Variants in LRFN2 observed in about 807,000 individuals in gnomAD.
LRFN2 encodes the protein leucine-rich repeat and fibronectin type-III domain-containing protein 2.
In LRFN2, 18 loss-of-function variants were observed where a neutral mutation model predicts 37.3. That is an observed-to-expected ratio of 0.48 (90% CI 0.33 to 0.72). LRFN2 has a LOEUF of 0.72. Ranked by LOEUF, LRFN2 falls within the 30% of genes least tolerant of loss-of-function variation. LRFN2 has a pLI of 0.02. For synonymous variants in LRFN2, 556 were observed against 466.6 expected (o/e 1.19, Z -2.47); for missense variants, 1,006 against 1,060.7 (o/e 0.95, Z 0.72).
At chr6:40,475,037 G>A (rs542283252) in intron 1 of LRFN2, among the ~76,000 whole-genome samples, 7 of 152,246 alleles carry the variant, frequency 4.6e-5, no homozygotes, top group Admixed American at 6.5e-5. Flanking sequence ...TATGGTTGTC[G>A]GAGACTAGGG....
intron 1 of LRFN2, among the ~76,000 whole-genome samples, chr6:40,554,212 G>C (rs1009817111): frequency 6.6e-6 from 1 of 152,200 alleles, no homozygotes; most frequent in Non-Finnish European, 1.5e-5. Context: ...TCAAGAACAG[G>C]CTACCTGGAA....
intron 1 of LRFN2, among the ~76,000 whole-genome samples, chr6:40,477,987 T>C (rs1764744615): frequency 6.6e-6 from 1 of 152,228 alleles, no homozygotes; most frequent in Non-Finnish European, 1.5e-5. Flanking sequence ...TGTTTGTGGC[T>C]TCTCCTCCGT....
At chr6:40,476,839 A>G (rs992891113) in intron 1 of LRFN2, among the ~76,000 whole-genome samples, 6 of 152,204 alleles carry the variant, frequency 3.9e-5, no homozygotes, top group Non-Finnish European at 5.9e-5. Context: ...CCCAATGGAC[A>G]TCTTCTGCCC....
At chr6:40,420,486 C>G (rs538916238) in intron 2 of LRFN2, among the ~76,000 whole-genome samples, 29 of 152,356 alleles carry the variant, frequency 1.9e-4, no homozygotes, top group Admixed American at 5.2e-4. Context: ...GCTTCCCCCC[C>G]AGGCTGGCCT....
intron 2 of LRFN2, among the ~76,000 whole-genome samples, chr6:40,419,509 A>T (rs1196624360): frequency 6.6e-6 from 1 of 152,232 alleles, no homozygotes; most frequent in Admixed American, 6.5e-5. Flanking sequence ...AGGCCAGACC[A>T]GTTCAACTCC....
At chr6:40,579,296 G>A (rs552167876) in intron 1 of LRFN2, among the ~76,000 whole-genome samples, 134 of 152,276 alleles carry the variant, frequency 8.8e-4, no homozygotes, top group Non-Finnish European at 1.6e-3. Context: ...TCCCAGCTCA[G>A]CCCCTGTGAC....
Position 40,431,909 on chromosome 6 carries a change from G to A in LRFN2, c.1205C>T (p.Ser402Phe). The A allele has an allele frequency of 6.2e-7, 1 of 1,612,696 alleles. No individual in the cohort carries two copies. The highest frequency in any genetic ancestry group is 1.7e-5 in the Admixed American group (1 of 59,984). The change falls in exon 2 of 3, where the codon TCC becomes TTC. Residue 402 changes from serine (S) to phenylalanine (F), a missense_variant. By Grantham distance (155) the Ser-to-Phe change is radical. Coordinates refer to ENST00000338305, the MANE Select transcript of LRFN2 (RefSeq NM_020737.3). ...TCCACCTCCCCGGCTGGTCTTGCTGGAGCCAGTGATGTCTGAGAGGCGGGA... is the reference window on the plus strand; with the variant it reads ...TCCACCTCCCCGGCTGGTCTTGCTGAAGCCAGTGATGTCTGAGAGGCGGGA... ...PKSRLSDITGSSKTSRGGGGS... is the reference protein window; with the variant it reads ...PKSRLSDITGFSKTSRGGGGS...
intron 1 of LRFN2, among the ~76,000 whole-genome samples, chr6:40,474,970 T>C (rs533870528): frequency 1.2e-4 from 18 of 152,194 alleles, no homozygotes; most frequent in Non-Finnish European, 1.8e-4. Context: ...TCAAGGACAA[T>C]GACCTCAACC....
chr6:40,504,896 A>C (rs962415274), intron 1 of LRFN2, among the ~76,000 whole-genome samples: 1 of 152,202 alleles, frequency 6.6e-6, no homozygotes, highest in African/African-American at 2.4e-5. Flanking sequence ...AACCAGGGTC[A>C]CTCTACCTGA....
At chr6:40,470,260 C>T (rs1176264359) in intron 1 of LRFN2, among the ~76,000 whole-genome samples, 1 of 152,208 alleles carries the variant, frequency 6.6e-6, no homozygotes, top group East Asian at 1.9e-4. Context: ...CACACCTGCT[C>T]AGGTAATAGA....
At chr6:40,436,223 T>C (rs1371156109) in intron 1 of LRFN2, among the ~76,000 whole-genome samples, 1 of 152,270 alleles carries the variant, frequency 6.6e-6, no homozygotes, top group African/African-American at 2.4e-5. Flanking sequence ...CAAATGCTCA[T>C]TAGCCATATG....
intron 1 of LRFN2, among the ~76,000 whole-genome samples, chr6:40,560,281 C>T (rs1216852133): frequency 1.3e-5 from 2 of 152,164 alleles, no homozygotes; most frequent in East Asian, 3.9e-4. Context: ...GGCCACCATA[C>T]CACCCACCTT....
intron 1 of LRFN2, among the ~76,000 whole-genome samples, chr6:40,537,204 C>A (rs190097569): frequency 1.6e-3 from 245 of 152,342 alleles, no homozygotes; most frequent in African/African-American, 5.7e-3. Flanking sequence ...GTCCGCAGCA[C>A]CCAGCAGAGG....
intron 2 of LRFN2, among the ~76,000 whole-genome samples, chr6:40,409,613 T>C (rs1408345932): frequency 1.3e-5 from 2 of 152,184 alleles, no homozygotes; most frequent in African/African-American, 4.8e-5. Flanking sequence ...CCTCCTCATC[T>C]GTCAAACGGG....
intron 1 of LRFN2, among the ~76,000 whole-genome samples, chr6:40,455,583 C>T (rs1433739): frequency 0.13 from 19,067 of 152,254 alleles, 1,380 homozygotes; most frequent in Admixed American, 0.21. Context: ...TCAAACAAGC[C>T]AGCAATTATC....
chr6:40,512,412 G>C (rs1765735313), intron 1 of LRFN2, among the ~76,000 whole-genome samples: 1 of 151,928 alleles, frequency 6.6e-6, no homozygotes, highest in Admixed American at 6.6e-5. Flanking sequence ...TCTTTCTTAG[G>C]GACACAGAAA....
In LRFN2 at chr6:40,517,741, G is replaced by A. The variant is rs205521; in HGVS notation, c.-19+69200C>T. On this transcript the variant is annotated intron_variant, in intron 1 of 2. Coordinates refer to ENST00000338305, the MANE Select transcript of LRFN2 (RefSeq NM_020737.3). ...GGGGGTTAATTAGCAGCCTCTCCTCGCACACCCACCCACCAGCAACACACA... is the reference window on the plus strand; with the variant it reads ...GGGGGTTAATTAGCAGCCTCTCCTCACACACCCACCCACCAGCAACACACA... Among the ~76,000 whole-genome samples, 378 of 152,222 alleles carry A rather than the reference G, an allele frequency of 2.5e-3. 2 individuals are homozygous for A. The highest frequency in any genetic ancestry group is 7.8e-3 in the African/African-American group (323 of 41,530).
At chr6:40,455,052 G>A (rs1282329082) in intron 1 of LRFN2, among the ~76,000 whole-genome samples, 1 of 152,124 alleles carries the variant, frequency 6.6e-6, no homozygotes, top group African/African-American at 2.4e-5. Flanking sequence ...CTTTTGCACT[G>A]TTCCCATTTT....
At chr6:40,508,981 T>C (rs1473173938) in intron 1 of LRFN2, among the ~76,000 whole-genome samples, 2 of 152,224 alleles carry the variant, frequency 1.3e-5, no homozygotes, top group Admixed American at 6.5e-5. Context: ...TTGAAATCCC[T>C]TCCTTATAAG....
Sources: gnomAD v4.1 joint callset for allele counts (sites outside exome capture counted in the v4.1 genomes callset) on GRCh38, gnomAD v4.1.1 for gene constraint, MANE v1.5 for transcripts, NCBI Gene and HGNC (gene_info 2026-07-23, HGNC 2026-07-21) for gene names.